The following SLC23A2 variants were observed in gnomAD, a reference collection of about 807,000 sequenced individuals.
The protein encoded by SLC23A2 is Na(+)/L-ascorbic acid transporter 2.
SLC23A2 carries 36 observed loss-of-function variants against 73.3 expected under a neutral mutation model. The observed-to-expected ratio is 0.49, with a 90% CI of 0.38 to 0.65. The LOEUF (loss-of-function observed/expected upper bound fraction) is 0.65. Ranked by LOEUF, SLC23A2 falls within the 30% of genes least tolerant of loss-of-function variation. The probability of loss-of-function intolerance (pLI) is 0.00; values close to 1 mark genes in which losing one functional copy is unlikely to be tolerated. For missense variants in SLC23A2, 507 were observed against 841.6 expected (o/e 0.60, Z 4.92); for synonymous variants, 343 against 327.3 (o/e 1.05, Z -0.52).
At position 4,862,971 on chromosome 20, in the gene SLC23A2, C is replaced by A; in HGVS notation, c.1357-64G>T. The stretch of plus-strand genomic sequence containing the variant: ...CTCCATGCAAAATCACCGTAAGTTA[C>A]TAAAGAACACACAGCAGAGATACCC... On this transcript the variant is annotated intron_variant, in intron 13 of 16. Transcript: ENST00000338244. This position sits in a 1 kb window ranked among gnomAD's most constrained non-coding sequence, Gnocchi z 5.1. 1 of 1,533,234 alleles carries A rather than the reference C, an allele frequency of 6.5e-7. No individual in the cohort carries two copies. Among genetic ancestry groups the A allele is most frequent in the Non-Finnish European group, 8.9e-7 (1 of 1,120,638 alleles). The allele number at this position is 1,533,234 out of a possible 1,614,324, so 95.0% of individuals were successfully genotyped here. A position where few individuals can be genotyped will look rare whatever the true frequency, so the allele number is the denominator to read the frequency against.
intron 6 of SLC23A2, among the ~76,000 whole-genome samples, chr20:4,896,194 G>A (rs923044622): frequency 4.6e-5 from 7 of 152,080 alleles, no homozygotes; most frequent in Non-Finnish European, 8.8e-5. Context: ...GGGAACCAGC[G>A]GCCTCTCTCG....
chr20:4,950,072 C>A (rs1422668947), intron 2 of SLC23A2, among the ~76,000 whole-genome samples: 1 of 152,184 alleles, frequency 6.6e-6, no homozygotes, highest in Admixed American at 6.5e-5. Context: ...CAGCCACCAC[C>A]CGGTTACAAA....
chr20:5,008,386 A>G (rs1329186867), intron 1 of SLC23A2, among the ~76,000 whole-genome samples: 1 of 152,144 alleles, frequency 6.6e-6, no homozygotes. Context: ...TCTGTCTGAC[A>G]CAAAAGCACA....
At chr20:4,879,408 CAAAAAA>C (rs111565515) in intron 9 of SLC23A2, among the ~76,000 whole-genome samples, 5 of 43,008 alleles carry the variant, frequency 1.2e-4, no homozygotes, top group African/African-American at 3.6e-4. Context: ...AACTCTGTCT[CAAAAAA>C]AAAAAAAAAA....
intron 2 of SLC23A2, 148 bp from the exon 3 acceptor site, chr20:4,932,864 G>A: frequency 4.0e-6 from 1 of 251,434 alleles, no homozygotes; most frequent in Non-Finnish European, 7.6e-6. Context: ...CAGTTTTCAG[G>A]CACCCAACAC....
chr20:4,885,356 C>T (rs980508178), intron 7 of SLC23A2, among the ~76,000 whole-genome samples: 3 of 152,132 alleles, frequency 2.0e-5, no homozygotes, highest in Non-Finnish European at 4.4e-5. Context: ...CTGACCTTAT[C>T]GGGTTCCTTA....
chr20:4,948,851 A>T (rs2087155853), intron 2 of SLC23A2, among the ~76,000 whole-genome samples: 16 of 152,194 alleles, frequency 1.1e-4, no homozygotes, highest in Admixed American at 1.0e-3. Flanking sequence ...ACATTTTTTA[A>T]TAACCCAAAG....
At chr20:4,935,679 G>A (rs770408679) in intron 2 of SLC23A2, among the ~76,000 whole-genome samples, 28 of 151,990 alleles carry the variant, frequency 1.8e-4, no homozygotes, top group Non-Finnish European at 3.7e-4. Flanking sequence ...GGCGCCTGTA[G>A]TCCCAGCTAC....
intron 9 of SLC23A2, among the ~76,000 whole-genome samples, chr20:4,876,852 C>A (rs1241885309): frequency 1.3e-5 from 2 of 152,216 alleles, no homozygotes; most frequent in African/African-American, 4.8e-5. Flanking sequence ...AGATTGTCAT[C>A]TTCCTTGTCC....
chr20:4,928,863 ATTCC>A (rs1932753362), intron 3 of SLC23A2, among the ~76,000 whole-genome samples: 1 of 152,234 alleles, frequency 6.6e-6, no homozygotes, highest in Non-Finnish European at 1.5e-5. Flanking sequence ...TGTGAGCAGT[ATTCC>A]TTCCCAACCC....
intron 6 of SLC23A2, among the ~76,000 whole-genome samples, chr20:4,890,978 G>A (rs1020306707): frequency 6.6e-6 from 1 of 152,266 alleles, no homozygotes; most frequent in East Asian, 1.9e-4. Flanking sequence ...GCAGAGGCAG[G>A]GAGATGACAA....
chr20:4,935,849 A>AT (rs2086955192), intron 2 of SLC23A2, among the ~76,000 whole-genome samples: 1 of 152,156 alleles, frequency 6.6e-6, no homozygotes, highest in African/African-American at 2.4e-5. Flanking sequence ...ATATCTATGT[A>AT]GAAAAAATCT....
At chr20:4,927,474 C>T (rs576678186) in intron 3 of SLC23A2, among the ~76,000 whole-genome samples, 27 of 152,178 alleles carry the variant, frequency 1.8e-4, no homozygotes, top group Admixed American at 3.3e-4. Context: ...CAGTCACCAC[C>T]CACATGAGCC....
At chr20:4,933,578 A>G (rs1932812765) in intron 2 of SLC23A2, among the ~76,000 whole-genome samples, 1 of 152,098 alleles carries the variant, frequency 6.6e-6, no homozygotes. Flanking sequence ...GCAGTGAGCC[A>G]AGATCGCATC....
Position 4,937,805 on chromosome 20 carries a change from T to C in SLC23A2, c.-154-5089A>G, listed in dbSNP as rs72552239. 5.1e-3 allele frequency among the ~76,000 whole-genome samples: 770 copies of C among 152,276 alleles called. 8 individuals carry two copies. Among genetic ancestry groups the C allele is most frequent in the African/African-American group, 0.017 (692 of 41,568 alleles). On this transcript the variant is annotated intron_variant, in intron 2 of 16. Transcript: ENST00000338244. ...CCAGCTGGCCTATACACACTGCCTC[T>C]GTGAGACTTGCTGGTGATTTTGCCC...
At chr20:4,914,906 G>A (rs191371120) in intron 3 of SLC23A2, among the ~76,000 whole-genome samples, 6 of 152,252 alleles carry the variant, frequency 3.9e-5, no homozygotes, top group Admixed American at 6.5e-5. Context: ...CAGGCATGGC[G>A]TTGCACATCT....
chr20:4,874,715 C>G lies in SLC23A2; in HGVS notation c.825-19G>C. On this transcript the variant is annotated intron_variant, in intron 9 of 16. Coordinates refer to ENST00000338244, the MANE Select transcript of SLC23A2 (RefSeq NM_005116.6). ...TATTGTCCTGAGGAGAGAAAGAAAA[C>G]AAACTAGGTCAAAAGCTGTTATGTC... The G allele has an allele frequency of 6.4e-7, 1 of 1,563,388 alleles. No individual in the cohort carries two copies.
At chr20:4,952,169 G>A (rs139637651) in intron 2 of SLC23A2, among the ~76,000 whole-genome samples, 110 of 144,360 alleles carry the variant, frequency 7.6e-4, no homozygotes, top group African/African-American at 2.7e-3. Context: ...TATAAAAGAT[G>A]TAGACTAAAA....
chr20:4,984,086 T>C (rs1247807995), intron 1 of SLC23A2, among the ~76,000 whole-genome samples: 1 of 151,836 alleles, frequency 6.6e-6, no homozygotes, highest in Non-Finnish European at 1.5e-5. Context: ...GACTCAACAA[T>C]ATAAAGACAA....
Sources: allele counts gnomAD v4.1 joint callset (sites outside exome capture counted in the v4.1 genomes callset), GRCh38; gene constraint gnomAD v4.1.1; non-coding constraint Gnocchi (gnomAD v3.1); transcripts MANE v1.5; gene names NCBI Gene and HGNC (gene_info 2026-07-23, HGNC 2026-07-21).